Variants in WNT3A observed in about 807,000 individuals in gnomAD.
WNT3A encodes the protein protein Wnt-3a.
Under a neutral mutation model 37.0 loss-of-function variants are expected in WNT3A, and 17 were observed. The ratio of observed to expected loss-of-function variants is 0.46; its 90% confidence interval spans 0.31 to 0.69. The LOEUF is 0.69. Among genes scored for constraint, WNT3A ranks in the 30% least tolerant of loss-of-function variants. The probability of loss-of-function intolerance (pLI) is 0.05; values close to 1 mark genes in which losing one functional copy is unlikely to be tolerated. For missense variants in WNT3A, 411 were observed against 510.2 expected, an observed-to-expected ratio of 0.81 and a Z score of 1.87; for synonymous variants, 187 against 211.0, an observed-to-expected ratio of 0.89 and a Z score of 0.99.
chr1:228,022,747 A>T lies in WNT3A; in HGVS notation c.152A>T (p.Lys51Met), dbSNP rs145797401. The T allele has an allele frequency of 6.2e-7, 1 of 1,614,170 alleles. No individual in the cohort carries two copies. The highest frequency in any genetic ancestry group is 8.5e-7 in the Non-Finnish European group (1 of 1,180,034). Residue 51 changes from lysine to methionine, a missense_variant, in exon 2 of 4, where the codon AAG (lysine) becomes ATG (methionine). Transcript: ENST00000284523. ...GCCAGCATCCCGGGCCTGGTCCCCA[A>T]GCAGCTCCGCTTCTGCAGGAACTAC... ...LCASIPGLVP[K>M]QLRFCRNYVE...
At chr1:228,047,673 G>C (rs537987766) in intron 2 of WNT3A, among the ~76,000 whole-genome samples, 23 of 152,292 alleles carry the variant, frequency 1.5e-4, no homozygotes, top group African/African-American at 5.3e-4. Flanking sequence ...ATTGGCTCAG[G>C]GTTCTGCAGG....
chr1:228,015,837 T>C (rs2030516926), intron 1 of WNT3A, among the ~76,000 whole-genome samples: 1 of 151,706 alleles, frequency 6.6e-6, no homozygotes, highest in Non-Finnish European at 1.5e-5. Context: ...GAAGGGGAGA[T>C]TGGAGAATTC....
chr1:228,033,099 G>A (rs1397521953), intron 2 of WNT3A, among the ~76,000 whole-genome samples: 1 of 152,142 alleles, frequency 6.6e-6, no homozygotes, highest in Non-Finnish European at 1.5e-5. Flanking sequence ...TACATGACTT[G>A]CAAATATTTT....
In WNT3A at chr1:228,042,258, T is replaced by G. The variant is rs894771640; in HGVS notation, c.314-8398T>G. 9.2e-5 allele frequency among the ~76,000 whole-genome samples: 14 copies of G among 152,148 alleles called. No homozygotes were observed. The highest frequency in any genetic ancestry group is 3.4e-4 in the African/African-American group (14 of 41,428). ...TCCCAAAGTGCTGGGATTACAGCTG[T>G]GAGCCACCGCGCCCAGCCTCTGGAG... On this transcript the variant is annotated intron_variant, in intron 2 of 3. Transcript: ENST00000284523. The surrounding 1 kb of genome is among the most constrained non-coding windows in gnomAD (Gnocchi z 5.2).
At chr1:228,009,921 G>GC (rs757261276) in intron 1 of WNT3A, among the ~76,000 whole-genome samples, 3 of 152,144 alleles carry the variant, frequency 2.0e-5, no homozygotes, top group Non-Finnish European at 4.4e-5. Context: ...AGAGAGACGG[G>GC]CCTAGCCTAA....
chr1:228,029,820 G>A (rs80204653), intron 2 of WNT3A, among the ~76,000 whole-genome samples: 1 of 151,858 alleles, frequency 6.6e-6, no homozygotes, highest in Non-Finnish European at 1.5e-5. Flanking sequence ...AGGTGGTCAG[G>A]TCATGAGGAT....
At position 228,060,740 on chromosome 1, in the gene WNT3A, A is replaced by C. The variant is rs1454856658; in HGVS notation, c.*1275A>C. 1 of 156,664 alleles carries C rather than the reference A, an allele frequency of 6.4e-6. No homozygotes were observed. Among genetic ancestry groups the C allele is most frequent in the African/African-American group, 2.4e-5 (1 of 41,508 alleles). 9.7% of individuals were successfully genotyped at this position (156,664 alleles called of 1,614,324 possible). A position where few individuals can be genotyped will look rare whatever the true frequency, so the allele number is the denominator to read the frequency against. Reference sequence around the variant, plus strand: ...TCCATCCAGCTACAGGAGAGATAGAAGCCTCTCGTCCCGTCCCTCCCTTTC... The same window carrying C: ...TCCATCCAGCTACAGGAGAGATAGACGCCTCTCGTCCCGTCCCTCCCTTTC... On this transcript the variant is annotated 3_prime_UTR_variant, in exon 4 of 4. Transcript: ENST00000284523.
chr1:228,017,766 C>A (rs890489150), intron 1 of WNT3A, among the ~76,000 whole-genome samples: 1 of 152,064 alleles, frequency 6.6e-6, no homozygotes, highest in African/African-American at 2.4e-5. Context: ...GCGGAGACAG[C>A]GGTGGCTCGG....
chr1:228,021,694 C>A (rs1250324654), intron 1 of WNT3A, among the ~76,000 whole-genome samples: 2 of 152,220 alleles, frequency 1.3e-5, no homozygotes, highest in Non-Finnish European at 2.9e-5. Flanking sequence ...GGGTACATAG[C>A]CAAAAGTGGG....
At chr1:228,010,568 T>C (rs2030340905) in intron 1 of WNT3A, among the ~76,000 whole-genome samples, 1 of 152,118 alleles carries the variant, frequency 6.6e-6, no homozygotes, top group African/African-American at 2.4e-5. Context: ...CACAGCAAGC[T>C]CCACCCCTTA....
rs1448956072 is a variant in WNT3A, at chr1:228,050,699, T to C, written c.357T>C (p.Gly119=). 2 of 1,613,314 alleles carry C rather than the reference T, an allele frequency of 1.2e-6. No individual in the cohort carries two copies. Among genetic ancestry groups the C allele is most frequent in the African/African-American group, 1.3e-5 (1 of 74,914 alleles). ...SAFVHAIASA[G]VAFAVTRSCA... The stretch of plus-strand genomic sequence containing the variant: ...TTGTCCACGCCATTGCCTCAGCCGG[T>C]GTGGCCTTTGCAGTGACACGCTCAT... Residue 119 remains glycine, a synonymous_variant, in exon 3 of 4, where the codon GGT becomes GGC. Transcript: ENST00000284523. The surrounding 1 kb of genome is among the most constrained non-coding windows in gnomAD (Gnocchi z 5.0).
chr1:228,033,302 T>C (rs983026778), intron 2 of WNT3A, among the ~76,000 whole-genome samples: 2 of 151,982 alleles, frequency 1.3e-5, no homozygotes, highest in East Asian at 1.9e-4. Flanking sequence ...TAAATAAGAG[T>C]TTTAGCGTTT....
rs527998858 is a variant in WNT3A, at chr1:228,007,328, G to T, written c.71+129G>T. Reference sequence around the variant, plus strand: ...TGCTCCAGCCCCGCGTGCGGGCCGCGGGCGGTTGGTTTTCCTTGACGGCCA... The same window carrying T: ...TGCTCCAGCCCCGCGTGCGGGCCGCTGGCGGTTGGTTTTCCTTGACGGCCA... On this transcript the variant is annotated intron_variant, in intron 1 of 3. Transcript: ENST00000284523. This position sits in a 1 kb window ranked among gnomAD's most constrained non-coding sequence, Gnocchi z 6.0. 499 of 923,942 alleles carry T rather than the reference G, an allele frequency of 5.4e-4. 13 individuals are homozygous for T. In the South Asian group the frequency reaches 0.01, roughly 19 times the overall value. 57.2% of individuals were successfully genotyped at this position (923,942 alleles called of 1,614,324 possible).
chr1:228,024,397 T>A (rs79886762), intron 2 of WNT3A, among the ~76,000 whole-genome samples: 1,953 of 152,354 alleles, frequency 0.013, 43 homozygotes, highest in African/African-American at 0.045. Flanking sequence ...CTGATTTCAG[T>A]TTGCACTTCT....
chr1:228,040,971 T>TTTTATATA (rs1368287783), intron 2 of WNT3A, among the ~76,000 whole-genome samples: 1 of 138,144 alleles, frequency 7.2e-6, no homozygotes, highest in African/African-American at 2.7e-5. Context: ...GGTAGATATT[T>TTTTATATA]TATATATATA....
chr1:228,053,966 A>G (rs2031613978), intron 3 of WNT3A, among the ~76,000 whole-genome samples: 1 of 152,166 alleles, frequency 6.6e-6, no homozygotes, highest in South Asian at 2.1e-4. Context: ...GATCCAAGAG[A>G]AGATCCCAAG....
chr1:228,050,140 T>A lies in WNT3A; in HGVS notation c.314-516T>A, dbSNP rs866188426. 2.8e-4 allele frequency among the ~76,000 whole-genome samples: 43 copies of A among 151,936 alleles called. No individual in the cohort carries two copies. The highest frequency in any genetic ancestry group is 3.4e-3 in the Middle Eastern group (1 of 294). On this transcript the variant is annotated intron_variant, in intron 2 of 3. Transcript: ENST00000284523. The surrounding 1 kb of genome is among the most constrained non-coding windows in gnomAD (Gnocchi z 5.0). The stretch of plus-strand genomic sequence containing the variant: ...TATCCTGGCTCACTGCAGCCTCCAC[T>A]TCCTGGGCTCAAGTGATCCTCCCGC...
intron 3 of WNT3A, among the ~76,000 whole-genome samples, chr1:228,055,011 G>A (rs1439571169): frequency 6.7e-6 from 1 of 150,076 alleles, no homozygotes; most frequent in Non-Finnish European, 1.5e-5. Context: ...GTGCACGCCT[G>A]TAATCCCAGC....
intron 2 of WNT3A, among the ~76,000 whole-genome samples, chr1:228,025,809 C>T (rs1342133535): frequency 6.6e-6 from 1 of 151,474 alleles, no homozygotes; most frequent in African/African-American, 2.4e-5. Flanking sequence ...CTGGCTCTGT[C>T]ACCTAGGCTG....
Sources: gnomAD v4.1 joint callset for allele counts (sites outside exome capture counted in the v4.1 genomes callset) on GRCh38, gnomAD v4.1.1 for gene constraint, Gnocchi (gnomAD v3.1) non-coding constraint, MANE v1.5 for transcripts, NCBI Gene and HGNC (gene_info 2026-07-23, HGNC 2026-07-21) for gene names.